The following USP16 variants were observed in gnomAD, a reference collection of about 807,000 sequenced individuals.
The protein encoded by USP16 is ubiquitin carboxyl-terminal hydrolase 16.
In USP16, 77 loss-of-function variants were observed where a neutral mutation model predicts 95.9. The ratio of observed to expected loss-of-function variants is 0.80; its 90% confidence interval spans 0.67 to 0.97. The LOEUF (loss-of-function observed/expected upper bound fraction) is 0.97, where lower values mean the gene tolerates loss of function less well. Ranked by LOEUF, USP16 falls within the 50% of genes least tolerant of loss-of-function variation. The probability of loss-of-function intolerance (pLI) is 0.00; values close to 1 mark genes in which losing one functional copy is unlikely to be tolerated. For missense variants in USP16, 943 were observed against 959.9 expected (o/e 0.98, Z 0.23); for synonymous variants, 303 against 318.2 (o/e 0.95, Z 0.51).
rs565013493 is a variant in USP16 at position 29,044,918 on chromosome 21, A to C, written c.1356+1319A>C. ...CCTACACATAAGTCATCTGTAGGGT[A>C]AATTTTGAGAAGAGGGATTGCATTT... On this transcript the variant is annotated intron_variant, in intron 13 of 17. Transcript: ENST00000399976. 3.3e-5 allele frequency among the ~76,000 whole-genome samples: 5 copies of C among 152,300 alleles called. No homozygotes were observed. In the East Asian group the frequency reaches 9.6e-4, roughly 29 times the overall value.
chr21:29,054,159 A>AC lies in USP16; in HGVS notation c.2446dup (p.Leu816ProfsTer5). 2 of 1,614,112 alleles carry AC rather than the reference A, an allele frequency of 1.2e-6. No homozygotes were observed. Among genetic ancestry groups the AC allele is most frequent in the Non-Finnish European group, 1.7e-6 (2 of 1,179,954 alleles). On this transcript the variant is annotated frameshift_variant, in exon 18 of 18. Transcript: ENST00000399976. LOFTEE classifies it high-confidence loss of function. ...ACTAAAGTACTAAACTCACAAGCGT[A>AC]CCTCCTATTTTATGAGAGAATACTG...
chr21:29,036,919 T>G (rs774770733), intron 5 of USP16, among the ~76,000 whole-genome samples: 45 of 152,226 alleles, frequency 3.0e-4, no homozygotes, highest in Non-Finnish European at 5.3e-4. Flanking sequence ...ATTAAAAAAT[T>G]TATTTCATGT....
chr21:29,037,209 C>A, intron 5 of USP16, 67 bp from the exon 6 acceptor site: 1 of 1,048,530 alleles, frequency 9.5e-7, no homozygotes, highest in Admixed American at 3.1e-5. Flanking sequence ...GTACTGTTTC[C>A]CAAGTATACT....
chr21:29,034,707 A>G, intron 3 of USP16, 130 bp from the exon 4 acceptor site: 1 of 810,182 alleles, frequency 1.2e-6, no homozygotes, highest in Non-Finnish European at 2.0e-6. Context: ...TCTAGAGTCT[A>G]ACATTTTCTT....
chr21:29,052,601 T>G (rs1198380905), intron 16 of USP16: 1 of 152,184 alleles, frequency 6.6e-6, no homozygotes, highest in East Asian at 1.9e-4. Flanking sequence ...AGATGAGATT[T>G]GGGTAGGGAC....
In USP16 at chr21:29,030,783, C is replaced by T. The variant is rs774856402; in HGVS notation, c.240+10C>T. On this transcript the variant is annotated intron_variant, in intron 3 of 17. Coordinates refer to ENST00000399976, the MANE Select transcript of USP16 (RefSeq NM_006447.3). ...TAAATGTGGCCATCAGGTATGCTTA[C>T]GTTTTAAGATCAATATGGGATTTTA... 1.6e-5 allele frequency: 26 copies of T among 1,588,888 alleles called. No individual in the cohort carries two copies. The highest frequency in any genetic ancestry group is 1.7e-4 in the Middle Eastern group (1 of 5,928).
At chr21:29,047,778 T>C (rs967487822) in intron 14 of USP16, among the ~76,000 whole-genome samples, 2 of 151,908 alleles carry the variant, frequency 1.3e-5, no homozygotes, top group African/African-American at 4.8e-5. Flanking sequence ...CCCATTGCTT[T>C]TTTTTTTGAG....
chr21:29,034,712 T>C, intron 3 of USP16, 125 bp from the exon 4 acceptor site: 3 of 860,860 alleles, frequency 3.5e-6, no homozygotes, highest in Non-Finnish European at 5.4e-6. Flanking sequence ...AGTCTAACAT[T>C]TTCTTTTCAA....
rs1463990896 is a variant in USP16, at chr21:29,038,344, C to G, written c.646C>G (p.Gln216Glu). 1 of 1,605,716 alleles carries G rather than the reference C, an allele frequency of 6.2e-7. No individual in the cohort carries two copies. Among genetic ancestry groups the G allele is most frequent in the Non-Finnish European group, 8.5e-7 (1 of 1,175,712 alleles). Reference sequence around the variant, plus strand: ...TCACCCTACATTCTAGAACTTGTCACAAACACCAGTGCTTAGAGAACTACT... The same window carrying G: ...TCACCCTACATTCTAGAACTTGTCAGAAACACCAGTGCTTAGAGAACTACT... The part of the protein sequence containing the change: ...FFNAVMQNLS[Q>E]TPVLRELLKE... Residue 216 changes from glutamine to glutamate, a missense_variant, in exon 7 of 18, where the codon CAA becomes GAA. Gln to Glu is a conservative substitution (Grantham distance 29). Coordinates refer to ENST00000399976, the MANE Select transcript of USP16 (RefSeq NM_006447.3).
rs1460660484 is a variant in USP16, at chr21:29,047,157, C to T, written c.1847C>T (p.Ala616Val). 17 of 1,614,008 alleles carry T rather than the reference C, an allele frequency of 1.1e-5. No homozygotes were observed. The highest frequency in any genetic ancestry group is 1.4e-5 in the Non-Finnish European group (16 of 1,180,020). The change falls in exon 14 of 18, where the codon GCT becomes GTT. Residue 616 changes from alanine to valine, a missense_variant. Coordinates refer to ENST00000399976, the MANE Select transcript of USP16 (RefSeq NM_006447.3). ...YEVVNEDPET[A>V]FCTLANREVF... ...GTTGTAAATGAAGATCCAGAAACTG[C>T]TTTCTGTACTCTTGCAAACAGGGAA...
At chr21:29,050,010 G>A in intron 15 of USP16, 82 bp from the exon 16 acceptor site, 1 of 1,188,858 alleles carries the variant, frequency 8.4e-7, no homozygotes, top group Non-Finnish European at 1.2e-6. Context: ...ATATTCTTTT[G>A]GACGTCGGAG....
At chr21:29,042,627 GC>G (rs1441727890) in intron 12 of USP16, 99 bp downstream of exon 12, 2 of 1,036,196 alleles carry the variant, frequency 1.9e-6, no homozygotes, top group Admixed American at 2.9e-5. Flanking sequence ...TATATTACTA[GC>G]CCATGCAGAA....
At chr21:29,053,721 G>GC in intron 16 of USP16, 81 bp from the exon 17 acceptor site, 1 of 1,422,024 alleles carries the variant, frequency 7.0e-7, no homozygotes, top group Non-Finnish European at 9.6e-7. Context: ...AAGACCCTTT[G>GC]CATAGTGTAA....
At chr21:29,032,666 G>T (rs915819725) in intron 3 of USP16, among the ~76,000 whole-genome samples, 4 of 152,076 alleles carry the variant, frequency 2.6e-5, no homozygotes, top group Non-Finnish European at 5.9e-5. Flanking sequence ...TTTACCTGTC[G>T]AATGACAACA....
chr21:29,053,834 T>C lies in USP16; in HGVS notation c.2226T>C (p.Tyr742=), dbSNP rs1174738196. 1.2e-6 allele frequency: 2 copies of C among 1,613,840 alleles called. No individual in the cohort carries two copies. The highest frequency in any genetic ancestry group is 3.3e-5 in the Admixed American group (2 of 59,930). ...CAGAAGAAAATACAAGGGTACTCTA[T>C]TCCTTATATGGAGTTGTTGAACACA... ...NVAEENTRVL[Y]SLYGVVEHSG... is the part of the protein sequence containing the mutation. The change falls in exon 17 of 18, where the codon TAT becomes TAC. Residue 742 remains tyrosine, a synonymous_variant. Transcript: ENST00000399976.
At chr21:29,034,696 T>A in intron 3 of USP16, 141 bp from the exon 4 acceptor site, 1 of 731,590 alleles carries the variant, frequency 1.4e-6, no homozygotes, top group Non-Finnish European at 2.2e-6. Flanking sequence ...AAAATATTGA[T>A]TCTAGAGTCT....
intron 10 of USP16, among the ~76,000 whole-genome samples, chr21:29,041,686 C>A (rs1231618883): frequency 6.6e-6 from 1 of 152,064 alleles, no homozygotes; most frequent in Non-Finnish European, 1.5e-5. Context: ...CTGAGCTGTT[C>A]ATTTTATACT....
chr21:29,031,944 G>C (rs1011046135), intron 3 of USP16, among the ~76,000 whole-genome samples: 5 of 152,122 alleles, frequency 3.3e-5, no homozygotes, highest in African/African-American at 1.2e-4. Flanking sequence ...GATCTCCTGA[G>C]TTTGACTTCT....
rs538582741 is a variant in USP16 at position 29,046,030 on chromosome 21, G to A, written c.1357-637G>A. 1.7e-4 allele frequency among the ~76,000 whole-genome samples: 26 copies of A among 152,210 alleles called. No individual in the cohort carries two copies. The South Asian group carries it at 5.0e-3, about 29-fold the overall frequency. On this transcript the variant is annotated intron_variant, in intron 13 of 17. Coordinates refer to ENST00000399976, the MANE Select transcript of USP16 (RefSeq NM_006447.3). Reference sequence around the variant, plus strand: ...GTAGAGATGGGTTTTCACCATGTTGGCCAGGCTGGTTTCAAACTCCTCACC... The same window carrying A: ...GTAGAGATGGGTTTTCACCATGTTGACCAGGCTGGTTTCAAACTCCTCACC...
Sources: gnomAD v4.1 joint callset for allele counts (sites outside exome capture counted in the v4.1 genomes callset) on GRCh38, gnomAD v4.1.1 for gene constraint, MANE v1.5 for transcripts, NCBI Gene and HGNC (gene_info 2026-07-23, HGNC 2026-07-21) for gene names.